MSN: variants seen among roughly 807,000 people sequenced by gnomAD.
MSN encodes epididymis luminal protein 70.
MSN carries 2 observed loss-of-function variants against 48.0 expected under a neutral mutation model. The ratio of observed to expected loss-of-function variants is 0.04; its 90% confidence interval spans 0.02 to 0.13. MSN has a LOEUF of 0.13. MSN is among the 10% of genes least tolerant of loss of function. The pLI is 1.00. For missense variants in MSN, 267 were observed against 470.1 expected (o/e 0.57, Z 3.99); for synonymous variants, 146 against 166.9 (o/e 0.87, Z 0.97).
chrX:65,729,344 T>C, intron 3 of MSN, 94 bp from the exon 4 acceptor site: 2 of 1,009,844 alleles, frequency 2.0e-6, no homozygotes, highest in South Asian at 2.3e-5. Flanking sequence ...ATTATGCAAA[T>C]TGATGATCTT....
Position 65,740,016 on chromosome X carries a change from G to T in MSN, c.*123G>T. The T allele has an allele frequency of 2.5e-6, 2 of 790,475 alleles. No homozygotes were observed. Among genetic ancestry groups the T allele is most frequent in the Non-Finnish European group, 3.5e-6 (2 of 566,957 alleles). 65.1% of individuals were successfully genotyped at this position (790,475 alleles called of 1,213,427 possible). On this transcript the variant is annotated 3_prime_UTR_variant, in exon 13 of 13. Coordinates refer to ENST00000360270, the MANE Select transcript of MSN (RefSeq NM_002444.3). ...TAGAGCAGCCCTGGAGTCATGCCAA[G>T]CATTTAATGTAGCCATGGGACCAAA...
chrX:65,595,544 C>T (rs1299529248), intron 1 of MSN, among the ~76,000 whole-genome samples: 1 of 111,957 alleles, frequency 8.9e-6, no homozygotes, highest in Non-Finnish European at 1.9e-5. Context: ...TGATCTCTTG[C>T]GCCCCCCTCT....
intron 1 of MSN, among the ~76,000 whole-genome samples, chrX:65,638,007 G>A: frequency 8.9e-6 from 1 of 112,096 alleles, no homozygotes. Flanking sequence ...TTCCATGATG[G>A]TAGTGATTTT....
intron 1 of MSN, among the ~76,000 whole-genome samples, chrX:65,622,267 G>A (rs1256176491): frequency 4.7e-5 from 5 of 106,784 alleles, no homozygotes; most frequent in Admixed American, 2.0e-4. Flanking sequence ...GCTAATTTTT[G>A]TATTTTTTTT....
At chrX:65,609,623 T>C (rs901713182) in intron 1 of MSN, among the ~76,000 whole-genome samples, 5 of 111,406 alleles carry the variant, frequency 4.5e-5, no homozygotes, top group East Asian at 2.8e-4. Context: ...GTGGCTCATG[T>C]CTGTAATCCC....
intron 1 of MSN, among the ~76,000 whole-genome samples, chrX:65,694,846 A>G (rs897825014): frequency 6.3e-5 from 7 of 111,902 alleles, no homozygotes; most frequent in African/African-American, 2.3e-4. Context: ...AGTAGTAGAA[A>G]AGGAGAAGAG....
chrX:65,694,410 G>A (rs1369002146), intron 1 of MSN, among the ~76,000 whole-genome samples: 1 of 109,144 alleles, frequency 9.2e-6, no homozygotes, highest in Non-Finnish European at 1.9e-5. Flanking sequence ...GCTCACTGCA[G>A]CCTTTGCCTC....
intron 1 of MSN, among the ~76,000 whole-genome samples, chrX:65,590,820 C>T (rs147875935): frequency 1.6e-3 from 182 of 111,320 alleles, no homozygotes; most frequent in Middle Eastern, 4.6e-3. Context: ...GGAAAACCAG[C>T]AGCAGCAGTA....
At chrX:65,657,481 G>A (rs1416813639) in intron 1 of MSN, among the ~76,000 whole-genome samples, 2 of 111,327 alleles carry the variant, frequency 1.8e-5, no homozygotes, top group African/African-American at 6.5e-5. Flanking sequence ...ACTTCACTGG[G>A]AGATCCTGTC....
intron 1 of MSN, among the ~76,000 whole-genome samples, chrX:65,596,094 T>G (rs1021706631): frequency 3.6e-5 from 4 of 110,536 alleles, no homozygotes; most frequent in African/African-American, 1.3e-4. Context: ...TTTTTCTTTA[T>G]AGATGAAAAG....
At position 65,738,956 on chromosome X, in the gene MSN, C is replaced by T. The variant is rs765956466; in HGVS notation, c.1345-14C>T. ...TCTCACTGACAGTCTTTCTCTCCTT[C>T]TGTCACTGGACAGGCCCAGATGGTA... On this transcript the variant is annotated splice_polypyrimidine_tract_variant and intron_variant, in intron 11 of 12. Coordinates refer to ENST00000360270, the MANE Select transcript of MSN (RefSeq NM_002444.3). 1 of 1,208,525 alleles carries T rather than the reference C, an allele frequency of 8.3e-7. No individual in the cohort carries two copies. The highest frequency in any genetic ancestry group is 1.8e-5 in the South Asian group (1 of 56,693).
intron 7 of MSN, 113 bp downstream of exon 7, chrX:65,733,393 T>C (rs747397240): frequency 3.6e-6 from 2 of 554,950 alleles, no homozygotes; most frequent in South Asian, 3.2e-5. Flanking sequence ...TGTACGTGTG[T>C]GCGCGCATGT....
intron 1 of MSN, chrX:65,593,366 G>T (rs2070163356): frequency 9.0e-6 from 1 of 111,192 alleles, no homozygotes; most frequent in African/African-American, 3.3e-5. Context: ...CCTTGCTGTT[G>T]CTGAAGCTGT....
chrX:65,709,147 A>T (rs2071391425), intron 1 of MSN, among the ~76,000 whole-genome samples: 1 of 111,318 alleles, frequency 9.0e-6, no homozygotes, highest in African/African-American at 3.3e-5. Context: ...GGATATACTG[A>T]TTTTTTTTCC....
In MSN at chrX:65,629,280, C is replaced by T. The variant is rs1250571076; in HGVS notation, c.-22+40668C>T. Among the ~76,000 whole-genome samples, 11 of 111,310 alleles carry T rather than the reference C, an allele frequency of 9.9e-5. No homozygotes were observed. In the East Asian group the frequency reaches 2.5e-3, roughly 26 times the overall value. Reference sequence around the variant, plus strand: ...CTCCAGTTCCCAACAAGTTCCTCATCGCCATCTGAGACCACCTCAGCCTGG... The same window carrying T: ...CTCCAGTTCCCAACAAGTTCCTCATTGCCATCTGAGACCACCTCAGCCTGG... On this transcript the variant is annotated intron_variant, in intron 1 of 3. Transcript: ENST00000609672.
intron 1 of MSN, among the ~76,000 whole-genome samples, chrX:65,597,559 A>G (rs770914715): frequency 2.8e-5 from 3 of 105,791 alleles, no homozygotes; most frequent in Non-Finnish European, 5.9e-5. Context: ...TGTGGCCTAG[A>G]CTGGTCTTAA....
intron 1 of MSN, among the ~76,000 whole-genome samples, chrX:65,690,279 A>C (rs756751091): frequency 1.8e-5 from 2 of 111,927 alleles, no homozygotes; most frequent in East Asian, 5.6e-4. Flanking sequence ...GCCCATGTCA[A>C]TATGGCATGG....
upstream of MSN, among the ~76,000 whole-genome samples, chrX:65,664,141 T>C (rs2070848503): frequency 9.1e-6 from 1 of 109,757 alleles, no homozygotes; most frequent in Admixed American, 9.7e-5. Context: ...TATGCAGCCA[T>C]AGAAAAGAAT....
intron 1 of MSN, among the ~76,000 whole-genome samples, chrX:65,678,785 T>A (rs2071027017): frequency 8.9e-6 from 1 of 112,014 alleles, no homozygotes; most frequent in African/African-American, 3.2e-5. Flanking sequence ...ATTTGGTTTT[T>A]AATCTCTGCC....
Sources: gnomAD v4.1 joint callset for allele counts (sites outside exome capture counted in the v4.1 genomes callset) on GRCh38, gnomAD v4.1.1 for gene constraint, MANE v1.5 for transcripts, NCBI Gene and HGNC (gene_info 2026-07-23, HGNC 2026-07-21) for gene names.